The following ZNF146 variants were observed in gnomAD, a reference collection of about 807,000 sequenced individuals.
ZNF146 encodes the protein zinc finger protein OZF.
A neutral mutation model predicts 22.2 loss-of-function variants in ZNF146; 9 were observed. The ratio of observed to expected loss-of-function variants is 0.41; its 90% confidence interval spans 0.24 to 0.71. The LOEUF (loss-of-function observed/expected upper bound fraction) is 0.71. Among genes scored for constraint, ZNF146 ranks in the 30% least tolerant of loss-of-function variants. ZNF146 has a pLI of 0.34. For synonymous variants in ZNF146, 108 were observed against 119.2 expected (o/e 0.91, Z 0.61); for missense variants, 194 against 344.8 (o/e 0.56, Z 3.46).
Position 36,237,493 on chromosome 19 carries a change from A to C in ZNF146, c.*174A>C. The C allele has an allele frequency of 1.5e-6, 1 of 688,000 alleles. No homozygotes were observed. The highest frequency in any genetic ancestry group is 2.3e-6 in the Non-Finnish European group (1 of 435,348). 42.6% of individuals were successfully genotyped at this position (688,000 alleles called of 1,614,324 possible). A position where few individuals can be genotyped will look rare whatever the true frequency, so the allele number is the denominator to read the frequency against. The stretch of plus-strand genomic sequence containing the variant: ...TACTGAAGAGAAAGACATGCATATG[A>C]TTAAAACCCTGTGTCCAACAGAGAA... On this transcript the variant is annotated 3_prime_UTR_variant, in exon 4 of 4. Transcript: ENST00000443387.
In ZNF146 at chr19:36,233,176, A is replaced by G. The variant is rs576714756; in HGVS notation, c.-782-2483A>G. Among the ~76,000 whole-genome samples the G allele has an allele frequency of 2.0e-5, 3 of 152,318 alleles. No individual in the cohort carries two copies. The South Asian group carries it at 6.2e-4, about 32-fold the overall frequency. On this transcript the variant is annotated intron_variant, in intron 3 of 3. Coordinates refer to ENST00000443387, the MANE Select transcript of ZNF146 (RefSeq NM_007145.3). The stretch of plus-strand genomic sequence containing the variant: ...TACGGGCAGATCACCAGATGTCAGG[A>G]GTTCCAGACCAGCCTGGCCAACATA...
chr19:36,230,506 G>A (rs554210909), intron 3 of ZNF146, among the ~76,000 whole-genome samples: 260 of 152,294 alleles, frequency 1.7e-3, no homozygotes, highest in Non-Finnish European at 2.9e-3. Context: ...TTTTAAATCA[G>A]CTTGGTGGGG....
At position 36,237,526 on chromosome 19, in the gene ZNF146, G is replaced by A. The variant is rs910094233; in HGVS notation, c.*207G>A. 2.1e-6 allele frequency: 1 copy of A among 479,718 alleles called. No individual in the cohort carries two copies. Among genetic ancestry groups the A allele is most frequent in the Non-Finnish European group, 3.5e-6 (1 of 282,752 alleles). The allele number at this position is 479,718 out of a possible 1,614,324, so 29.7% of individuals were successfully genotyped here. A position where few individuals can be genotyped will look rare whatever the true frequency, so the allele number is the denominator to read the frequency against. The stretch of plus-strand genomic sequence containing the variant: ...CCTGTGTCCAACAGAGAAACCTGCA[G>A]CAGAGATAATGGTGAAAGTTTAGGC... On this transcript the variant is annotated 3_prime_UTR_variant, in exon 4 of 4. Transcript: ENST00000443387.
chr19:36,220,851 G>A (rs952208664), intron 2 of ZNF146, among the ~76,000 whole-genome samples: 1 of 135,024 alleles, frequency 7.4e-6, no homozygotes, highest in African/African-American at 2.9e-5. Context: ...TTCTTAAAAT[G>A]CATCTTTTTT....
At chr19:36,226,199 T>C (rs929332560) in intron 2 of ZNF146, among the ~76,000 whole-genome samples, 1 of 152,216 alleles carries the variant, frequency 6.6e-6, no homozygotes, top group Non-Finnish European at 1.5e-5. Context: ...TCTCTCTGCC[T>C]GCATGTGTTC....
At chr19:36,232,563 A>G (rs1977428030) in intron 3 of ZNF146, among the ~76,000 whole-genome samples, 2 of 150,234 alleles carry the variant, frequency 1.3e-5, no homozygotes, top group African/African-American at 4.9e-5. Flanking sequence ...TAAATAATCT[A>G]TGAATTTTTT....
rs1384225311 is a variant in ZNF146, at chr19:36,236,939, CAGA to C, written c.505_507del (p.Lys169del). On this transcript the variant is annotated inframe_deletion, in exon 4 of 4. Transcript: ENST00000443387. Reference sequence around the variant, plus strand: ...TAGTGAATGTGGAACAGCCTTTGGCCAGAAGAAGTACCTCATAAAACATCAGAA... The same window carrying C: ...TAGTGAATGTGGAACAGCCTTTGGCCAGAAGTACCTCATAAAACATCAGAA... 3 of 1,613,922 alleles carry C rather than the reference CAGA, an allele frequency of 1.9e-6. No homozygotes were observed. The highest frequency in any genetic ancestry group is 2.5e-6 in the Non-Finnish European group (3 of 1,180,006).
At chr19:36,227,701 C>T (rs939050556) in intron 2 of ZNF146, among the ~76,000 whole-genome samples, 1 of 152,144 alleles carries the variant, frequency 6.6e-6, no homozygotes, top group Admixed American at 6.5e-5. Flanking sequence ...ACTACAGGCG[C>T]ACACCATTGC....
chr19:36,233,075 T>A (rs1236913522), intron 3 of ZNF146, among the ~76,000 whole-genome samples: 1 of 152,218 alleles, frequency 6.6e-6, no homozygotes, highest in African/African-American at 2.4e-5. Context: ...ATTAAATATG[T>A]ATTTTCTACC....
chr19:36,218,261 T>C (rs974269071), intron 2 of ZNF146, 66 bp downstream of exon 2: 1 of 152,066 alleles, frequency 6.6e-6, no homozygotes, highest in African/African-American at 2.4e-5. Flanking sequence ...CAATATTTGA[T>C]TCAAAGGGTG....
chr19:36,232,602 CTTTTTTCTTTTTTT>C (rs1265433008), intron 3 of ZNF146, among the ~76,000 whole-genome samples: 1 of 137,490 alleles, frequency 7.3e-6, no homozygotes, highest in Non-Finnish European at 1.6e-5. Flanking sequence ...GTTCTTTTTT[CTTTTTTCTTTTTTT>C]TTTTTTTCCC....
intron 2 of ZNF146, among the ~76,000 whole-genome samples, chr19:36,227,995 T>A (rs982415776): frequency 6.6e-6 from 1 of 152,064 alleles, no homozygotes; most frequent in African/African-American, 2.4e-5. Context: ...ACTCTGTCTC[T>A]ACTAAAAATA....
At chr19:36,231,359 A>G (rs1977360821) in intron 3 of ZNF146, among the ~76,000 whole-genome samples, 1 of 151,854 alleles carries the variant, frequency 6.6e-6, no homozygotes, top group Non-Finnish European at 1.5e-5. Context: ...ACAGGTGCCC[A>G]CCACCACACC....
chr19:36,230,893 C>G (rs1977325201), intron 3 of ZNF146, among the ~76,000 whole-genome samples: 1 of 152,158 alleles, frequency 6.6e-6, no homozygotes, highest in African/African-American at 2.4e-5. Context: ...CCTCCACTTT[C>G]CAGGTTCAAG....
At chr19:36,228,158 C>CAAAAA (rs71171422) in intron 2 of ZNF146, among the ~76,000 whole-genome samples, 2 of 106,628 alleles carry the variant, frequency 1.9e-5, no homozygotes, top group Non-Finnish European at 1.8e-5. Flanking sequence ...GAAACTGTCT[C>CAAAAA]AAAAAAAAAA....
In ZNF146 at chr19:36,215,159, A is replaced by G. The variant is rs1198969896; in HGVS notation, c.-966A>G. The G allele has an allele frequency of 1.3e-5, 2 of 152,210 alleles. No homozygotes were observed. Among genetic ancestry groups the G allele is most frequent in the East Asian group, 1.9e-4 (1 of 5,180 alleles). The allele number at this position is 152,210 out of a possible 1,614,324, so 9.4% of individuals were successfully genotyped here. A position where few individuals can be genotyped will look rare whatever the true frequency, so the allele number is the denominator to read the frequency against. On this transcript the variant is annotated 5_prime_UTR_variant, in exon 1 of 4. Transcript: ENST00000443387. ...ACATTTTGGTCTTTGTCCGCGGGTC[A>G]GTACGGCCCCTGGGTCCACGTGGCG...
chr19:36,215,904 TTATC>T (rs1976583139), intron 1 of ZNF146, among the ~76,000 whole-genome samples: 2 of 152,180 alleles, frequency 1.3e-5, no homozygotes, highest in Non-Finnish European at 1.5e-5. Flanking sequence ...GTTGCAGTGT[TTATC>T]TATGAGTCTG....
At chr19:36,220,352 CT>C (rs1349453534) in intron 2 of ZNF146, among the ~76,000 whole-genome samples, 3 of 114,576 alleles carry the variant, frequency 2.6e-5, no homozygotes, top group Non-Finnish European at 6.4e-5. Context: ...GCTCCTAGTT[CT>C]TTTTTTTAAT....
intron 3 of ZNF146, among the ~76,000 whole-genome samples, chr19:36,229,323 C>T (rs967514742): frequency 2.0e-5 from 3 of 152,200 alleles, no homozygotes; most frequent in Non-Finnish European, 2.9e-5. Context: ...CTTCTGCTCC[C>T]ATGTACCTCT....
Sources: allele counts gnomAD v4.1 joint callset (sites outside exome capture counted in the v4.1 genomes callset), GRCh38; gene constraint gnomAD v4.1.1; transcripts MANE v1.5; gene names NCBI Gene and HGNC (gene_info 2026-07-23, HGNC 2026-07-21).